The following TNFRSF11B variants were observed in gnomAD, a reference collection of about 807,000 sequenced individuals.
TNFRSF11B encodes tumor necrosis factor receptor superfamily member 11B.
A neutral mutation model predicts 43.4 loss-of-function variants in TNFRSF11B; 16 were observed. The ratio of observed to expected loss-of-function variants is 0.37; its 90% CI spans 0.25 to 0.56. The LOEUF (loss-of-function observed/expected upper bound fraction) is 0.56. Among genes scored for constraint, TNFRSF11B ranks in the 20% least tolerant of loss-of-function variants. TNFRSF11B has a pLI of 0.80. For synonymous variants in TNFRSF11B, 185 were observed against 181.8 expected (o/e 1.02, Z -0.14); for missense variants, 444 against 490.1 (o/e 0.91, Z 0.89).
chr8:118,933,859 C>G (rs565745263), intron 1 of TNFRSF11B, among the ~76,000 whole-genome samples: 58 of 152,120 alleles, frequency 3.8e-4, no homozygotes, highest in Middle Eastern at 6.8e-3. Flanking sequence ...TTAACTGAGC[C>G]CTTAGTATGT....
intron 1 of TNFRSF11B, among the ~76,000 whole-genome samples, chr8:118,942,933 C>T (rs975697841): frequency 1.1e-4 from 16 of 152,060 alleles, no homozygotes; most frequent in African/African-American, 3.6e-4. Context: ...TCCTACCTAC[C>T]TACCTATTTG....
chr8:118,928,959 T>C, intron 2 of TNFRSF11B, 30 bp from the exon 3 acceptor site: 1 of 1,608,390 alleles, frequency 6.2e-7, no homozygotes, highest in South Asian at 1.1e-5. Flanking sequence ...ATTTAGTACC[T>C]TCTCCTCAAA....
At position 118,943,208 on chromosome 8, in the gene TNFRSF11B, T is replaced by C. The variant is rs1367780908; in HGVS notation, c.30+8584A>G. Among the ~76,000 whole-genome samples, 4 of 152,192 alleles carry C rather than the reference T, an allele frequency of 2.6e-5. No individual in the cohort carries two copies. In the East Asian group the frequency reaches 7.7e-4, roughly 29 times the overall value. On this transcript the variant is annotated intron_variant, in intron 1 of 4. Transcript: ENST00000297350. ...TACACTTATTCCTGCATCCCCAGGA[T>C]TGTACTTTCTAAAAGGTACTAAAAC...
intron 2 of TNFRSF11B, 100 bp from the exon 3 acceptor site, chr8:118,929,029 A>G (rs1274327539): frequency 9.2e-7 from 1 of 1,081,718 alleles, no homozygotes; most frequent in Admixed American, 1.9e-5. Context: ...CTTGGTTTTT[A>G]CTGCTACTAT....
chr8:118,928,972 G>A (rs775854312), intron 2 of TNFRSF11B, 43 bp from the exon 3 acceptor site: 26 of 1,591,712 alleles, frequency 1.6e-5, no homozygotes, highest in Middle Eastern at 1.7e-4. Context: ...TCCTCAAATC[G>A]TTTCCCAGCA....
intron 1 of TNFRSF11B, among the ~76,000 whole-genome samples, chr8:118,935,108 A>G (rs1334784341): frequency 6.6e-6 from 1 of 152,198 alleles, no homozygotes; most frequent in Non-Finnish European, 1.5e-5. Context: ...AGCAAAATTC[A>G]CTGCAAGCTC....
At chr8:118,935,757 G>A (rs1417680343) in intron 1 of TNFRSF11B, among the ~76,000 whole-genome samples, 1 of 152,134 alleles carries the variant, frequency 6.6e-6, no homozygotes, top group African/African-American at 2.4e-5. Flanking sequence ...TTCCTGGAAA[G>A]CCACTTTTGA....
At chr8:118,929,239 G>T (rs1357371786) in intron 2 of TNFRSF11B, among the ~76,000 whole-genome samples, 1 of 152,220 alleles carries the variant, frequency 6.6e-6, no homozygotes, top group Non-Finnish European at 1.5e-5. Flanking sequence ...CCGCTGAGTG[G>T]CAGTAAGGCC....
At chr8:118,948,033 A>T in intron 1 of TNFRSF11B, among the ~76,000 whole-genome samples, 1 of 152,194 alleles carries the variant, frequency 6.6e-6, no homozygotes, top group Non-Finnish European at 1.5e-5. Context: ...AAATATATGC[A>T]CTCTGAATTT....
At chr8:118,926,752 T>G (rs1333073186) in intron 3 of TNFRSF11B, 34 bp from the exon 4 acceptor site, 1 of 1,571,664 alleles carries the variant, frequency 6.4e-7, no homozygotes. Context: ...GAAGATTTAC[T>G]CAACAATTGG....
intron 1 of TNFRSF11B, among the ~76,000 whole-genome samples, chr8:118,937,420 T>C (rs1316463382): frequency 4.6e-5 from 7 of 152,214 alleles, no homozygotes; most frequent in Non-Finnish European, 1.0e-4. Flanking sequence ...CCATTCCCTC[T>C]GTAAAATCAC....
intron 3 of TNFRSF11B, 57 bp downstream of exon 3, chr8:118,928,681 C>CAG (rs10554146): frequency 1.9e-6 from 3 of 1,583,512 alleles, no homozygotes; most frequent in Non-Finnish European, 2.6e-6. Flanking sequence ...GTGTTCAACT[C>CAG]AGAGAGAGAG....
intron 1 of TNFRSF11B, among the ~76,000 whole-genome samples, chr8:118,939,320 GA>G (rs746157124): frequency 6.6e-6 from 1 of 152,060 alleles, no homozygotes; most frequent in Non-Finnish European, 1.5e-5. Context: ...TATGTTCTGA[GA>G]ATATGACTAA....
chr8:118,933,348 G>T (rs1352150433), intron 1 of TNFRSF11B, 48 bp from the exon 2 acceptor site: 2 of 1,606,680 alleles, frequency 1.2e-6, no homozygotes, highest in South Asian at 1.1e-5. Flanking sequence ...ATGAAAATAG[G>T]TTTGTTCTTA....
intron 1 of TNFRSF11B, among the ~76,000 whole-genome samples, chr8:118,933,751 G>A (rs1482884932): frequency 1.3e-5 from 2 of 151,018 alleles, no homozygotes; most frequent in African/African-American, 4.8e-5. Flanking sequence ...ATGTGGGGAT[G>A]TGGGATTGGG....
At chr8:118,949,140 G>T (rs1038713782) in intron 1 of TNFRSF11B, among the ~76,000 whole-genome samples, 4 of 152,008 alleles carry the variant, frequency 2.6e-5, no homozygotes, top group Non-Finnish European at 5.9e-5. Context: ...TAGTACTAAT[G>T]ACAACATCCC....
chr8:118,925,982 A>G (rs1443912884), intron 4 of TNFRSF11B, among the ~76,000 whole-genome samples: 2 of 152,248 alleles, frequency 1.3e-5, no homozygotes, highest in East Asian at 3.8e-4. Context: ...ATTTTATCTC[A>G]TTAATTCTCA....
intron 1 of TNFRSF11B, among the ~76,000 whole-genome samples, chr8:118,937,658 G>A (rs1812422472): frequency 6.6e-6 from 1 of 152,128 alleles, no homozygotes; most frequent in African/African-American, 2.4e-5. Flanking sequence ...TGAAAAAAAT[G>A]AAGCCTTTCC....
chr8:118,949,333 C>G (rs113314575), intron 1 of TNFRSF11B, among the ~76,000 whole-genome samples: 1 of 152,152 alleles, frequency 6.6e-6, no homozygotes, highest in Non-Finnish European at 1.5e-5. Flanking sequence ...ATGGCCATCT[C>G]TCCCTCCTCT....
Sources: allele counts gnomAD v4.1 joint callset (sites outside exome capture counted in the v4.1 genomes callset), GRCh38; gene constraint gnomAD v4.1.1; transcripts MANE v1.5; gene names NCBI Gene and HGNC (gene_info 2026-07-23, HGNC 2026-07-21).